MAPK6: variants seen among roughly 807,000 people sequenced by gnomAD.
MAPK6 encodes the protein mitogen-activated protein kinase 6, also known as ERK-3.
MAPK6 carries 19 observed loss-of-function variants against 59.3 expected under a neutral mutation model. The observed-to-expected ratio is 0.32, with a 90% CI of 0.22 to 0.47. The LOEUF (loss-of-function observed/expected upper bound fraction) is 0.47, where lower values mean the gene tolerates loss of function less well. Among genes scored for constraint, MAPK6 ranks in the 20% least tolerant of loss-of-function variants. MAPK6 has a pLI of 1.00. For synonymous variants in MAPK6, 316 were observed against 290.3 expected, an observed-to-expected ratio of 1.09 and a Z score of -0.90; for missense variants, 724 against 847.9, an observed-to-expected ratio of 0.85 and a Z score of 1.81.
chr15:52,015,034 C>G (rs1047286933), upstream of MAPK6, among the ~76,000 whole-genome samples: 1 of 152,030 alleles, frequency 6.6e-6, no homozygotes, highest in African/African-American at 2.4e-5. Context: ...GAGTTTCACT[C>G]TTGTTGCCCA....
At position 52,059,356 on chromosome 15, in the gene MAPK6, G is replaced by A. The variant is rs147981719; in HGVS notation, c.865+559G>A. ...TTCCCTGGGCTGGTCTTGAACTCCT[G>A]AGCTCAAGCAGCCTTTCTGCCTCAG... is the stretch of plus-strand genomic sequence containing the variant. On this transcript the variant is annotated intron_variant, in intron 4 of 5. Transcript: ENST00000261845. Among the ~76,000 whole-genome samples the A allele has an allele frequency of 5.2e-3, 795 of 152,270 alleles. 5 individuals are homozygous for A. Among genetic ancestry groups the A allele is most frequent in the Non-Finnish European group, 8.2e-3 (555 of 68,022 alleles).
At chr15:51,997,477 C>T (rs1200235135) in intron 2 of MAPK6, among the ~76,000 whole-genome samples, 1 of 151,320 alleles carries the variant, frequency 6.6e-6, no homozygotes. Context: ...AGGCTGGTCT[C>T]GAATTCCTGA....
chr15:52,058,554 T>C (rs2032072059), intron 3 of MAPK6, 79 bp from the exon 4 acceptor site: 1 of 1,224,176 alleles, frequency 8.2e-7, no homozygotes, highest in Non-Finnish European at 1.1e-6. Flanking sequence ...CATTATAATA[T>C]TTAAATTAGT....
In MAPK6 at chr15:52,058,356, C is replaced by CT. The variant is rs553333063; in HGVS notation, c.701-268dup. ...ATCCAGATCTCTTGAATCTCAGTTG[C>CT]TTTTTTTTTCACTAGTTTGTGATAA... On this transcript the variant is annotated intron_variant, in intron 3 of 5. Coordinates refer to ENST00000261845, the MANE Select transcript of MAPK6 (RefSeq NM_002748.4). 5.3e-4 allele frequency among the ~76,000 whole-genome samples: 80 copies of CT among 151,146 alleles called. 5 individuals are homozygous for CT. The highest frequency in any genetic ancestry group is 1.9e-3 in the South Asian group (9 of 4,776).
intron 1 of MAPK6, among the ~76,000 whole-genome samples, chr15:51,972,188 G>C (rs2057132011): frequency 6.6e-6 from 1 of 152,148 alleles, no homozygotes; most frequent in Non-Finnish European, 1.5e-5. Flanking sequence ...GCCCAGGCTG[G>C]AGTGCAGTGG....
intron 1 of MAPK6, among the ~76,000 whole-genome samples, chr15:52,031,587 TTGGG>T (rs139669560): frequency 0.025 from 3,868 of 152,216 alleles, 72 homozygotes; most frequent in Non-Finnish European, 0.037. Flanking sequence ...TCCCAGCACT[TTGGG>T]TGGCCAAGGT....
Position 52,066,434 on chromosome 15 carries a change from C to T in MAPK6, c.*1434C>T, listed in dbSNP as rs1199213230. ...AATGGAATAAAGCTTTATAATATTT[C>T]AAAACTGTTAGGTAAAATGTGTAGT... On this transcript the variant is annotated 3_prime_UTR_variant, in exon 6 of 6. Coordinates refer to ENST00000261845, the MANE Select transcript of MAPK6 (RefSeq NM_002748.4). 2 of 152,062 alleles carry T rather than the reference C, an allele frequency of 1.3e-5. No homozygotes were observed. Among genetic ancestry groups the T allele is most frequent in the Non-Finnish European group, 2.9e-5 (2 of 67,974 alleles). 9.4% of individuals were successfully genotyped at this position (152,062 alleles called of 1,614,324 possible). A position where few individuals can be genotyped will look rare whatever the true frequency, so the allele number is the denominator to read the frequency against.
At chr15:52,003,484 C>T (rs1186292599) in intron 2 of MAPK6, among the ~76,000 whole-genome samples, 3 of 152,162 alleles carry the variant, frequency 2.0e-5, no homozygotes, top group Admixed American at 6.6e-5. Context: ...GAGGCAAACC[C>T]GGAAGGAAAT....
chr15:52,060,178 A>C (rs778897862), intron 4 of MAPK6, among the ~76,000 whole-genome samples: 3 of 152,196 alleles, frequency 2.0e-5, no homozygotes, highest in Non-Finnish European at 4.4e-5. Flanking sequence ...GTTCAAGGCT[A>C]CAATGAGCTA....
chr15:51,999,098 C>A (rs1007963391), intron 2 of MAPK6, among the ~76,000 whole-genome samples: 3 of 151,222 alleles, frequency 2.0e-5, no homozygotes, highest in Admixed American at 2.0e-4. Flanking sequence ...CGAGTTCAAG[C>A]GATTCTCCTG....
At chr15:52,056,306 G>C (rs1355503920) in intron 3 of MAPK6, among the ~76,000 whole-genome samples, 1 of 152,166 alleles carries the variant, frequency 6.6e-6, no homozygotes, top group Admixed American at 6.5e-5. Context: ...TCTTCTGCTA[G>C]ATCACTTTTA....
chr15:51,986,189 A>C (rs1361405738), intron 2 of MAPK6, among the ~76,000 whole-genome samples: 5 of 152,148 alleles, frequency 3.3e-5, no homozygotes, highest in Non-Finnish European at 7.4e-5. Context: ...CTTTTAAACA[A>C]CCAGATTTCA....
At chr15:51,997,299 T>C (rs2057227354) in intron 2 of MAPK6, among the ~76,000 whole-genome samples, 1 of 137,582 alleles carries the variant, frequency 7.3e-6, no homozygotes, top group Non-Finnish European at 1.5e-5. Flanking sequence ...TGAAACAGAG[T>C]CTTGCTTTGT....
At chr15:52,051,214 C>T (rs749894447) in intron 3 of MAPK6, among the ~76,000 whole-genome samples, 24 of 152,046 alleles carry the variant, frequency 1.6e-4, no homozygotes, top group Admixed American at 2.0e-4. Context: ...CCCGCCCCGT[C>T]GCCCGGCTAA....
At position 52,061,301 on chromosome 15, in the gene MAPK6, C is replaced by G. The variant is rs35697691; in HGVS notation, c.868C>G (p.Leu290Val). The G allele has an allele frequency of 0.075, 120,498 of 1,612,080 alleles. 5,252 individuals are homozygous for G. Among genetic ancestry groups the G allele is most frequent in the Non-Finnish European group, 0.087 (102,430 of 1,178,170 alleles). ...QLLPGISREA[L>V]DFLEQILTFS... ...AACTTTTACCTTTTCCTCTGCAGCA[C>G]TGGATTTCCTGGAACAAATTTTGAC... Residue 290 changes from leucine (L) to valine (V), a missense_variant and splice_region_variant, in exon 5 of 6, where the codon CTG (leucine) becomes GTG (valine). By Grantham distance (32) the Leu-to-Val change is conservative. Coordinates refer to ENST00000261845, the MANE Select transcript of MAPK6 (RefSeq NM_002748.4).
chr15:51,982,134 C>G (rs562795415), intron 1 of MAPK6, among the ~76,000 whole-genome samples: 23 of 152,290 alleles, frequency 1.5e-4, no homozygotes, highest in Non-Finnish European at 2.6e-4. Flanking sequence ...TAAAACAGAT[C>G]CGGCTCAAAC....
intron 2 of MAPK6, among the ~76,000 whole-genome samples, chr15:51,984,592 C>A (rs1016398316): frequency 1.3e-5 from 2 of 151,558 alleles, no homozygotes; most frequent in Non-Finnish European, 2.9e-5. Flanking sequence ...CATGAGCCAC[C>A]GTGCCCGGCC....
At chr15:52,054,667 CTTTT>C (rs201385524) in intron 3 of MAPK6, among the ~76,000 whole-genome samples, 1 of 149,424 alleles carries the variant, frequency 6.7e-6, no homozygotes, top group South Asian at 2.1e-4. Flanking sequence ...ATTTTTGGAC[CTTTT>C]TTTTTCATTT....
rs563783044 is a variant in MAPK6 at position 52,028,937 on chromosome 15, G to A, written c.-632+9561G>A. ...ATTAGTCTTACAGGCTCTTGTAGGA[G>A]CATTCAATATAGTTGACCACTGTTT... On this transcript the variant is annotated intron_variant, in intron 1 of 5. Coordinates refer to ENST00000261845, the MANE Select transcript of MAPK6 (RefSeq NM_002748.4). Among the ~76,000 whole-genome samples the A allele has an allele frequency of 4.6e-5, 7 of 152,362 alleles. No individual in the cohort carries two copies. The South Asian group carries it at 1.2e-3, about 27-fold the overall frequency.
Sources: gnomAD v4.1 joint callset for allele counts (sites outside exome capture counted in the v4.1 genomes callset) on GRCh38, gnomAD v4.1.1 for gene constraint, MANE v1.5 for transcripts, NCBI Gene and HGNC (gene_info 2026-07-23, HGNC 2026-07-21) for gene names.